Variants in TBC1D15 observed in about 807,000 individuals in gnomAD.
TBC1D15 encodes the protein GAP for RAB7.
In TBC1D15, 39 loss-of-function variants were observed where a neutral mutation model predicts 95.4. That is an observed-to-expected ratio of 0.41 (90% CI 0.32 to 0.53). The LOEUF (loss-of-function observed/expected upper bound fraction) is 0.53. Ranked by LOEUF, TBC1D15 falls within the 20% of genes least tolerant of loss-of-function variation. The probability of loss-of-function intolerance (pLI) is 0.29; values close to 1 mark genes in which losing one functional copy is unlikely to be tolerated. For synonymous variants in TBC1D15, 258 were observed against 261.3 expected (o/e 0.99, Z 0.12); for missense variants, 733 against 794.3 (o/e 0.92, Z 0.93).
intron 1 of TBC1D15, among the ~76,000 whole-genome samples, chr12:71,846,145 T>C (rs1232979563): frequency 6.6e-6 from 1 of 152,234 alleles, no homozygotes; most frequent in East Asian, 1.9e-4. Context: ...AAATGTTTGC[T>C]GTGGTCACCA....
chr12:71,892,336 G>T (rs7309856), intron 5 of TBC1D15, among the ~76,000 whole-genome samples: 1 of 151,598 alleles, frequency 6.6e-6, no homozygotes, highest in Non-Finnish European at 1.5e-5. Flanking sequence ...AATTGAGAAG[G>T]GATAACTGTT....
At chr12:71,911,809 A>G (rs1490819048) in intron 11 of TBC1D15, among the ~76,000 whole-genome samples, 1 of 151,750 alleles carries the variant, frequency 6.6e-6, no homozygotes, top group Non-Finnish European at 1.5e-5. Flanking sequence ...AATAAAATAG[A>G]TTAAAGGCAA....
intron 10 of TBC1D15, among the ~76,000 whole-genome samples, chr12:71,905,507 G>A (rs1459251515): frequency 6.6e-6 from 1 of 151,982 alleles, no homozygotes; most frequent in African/African-American, 2.4e-5. Flanking sequence ...TGTATTTTTT[G>A]TAGAGACAGG....
At chr12:71,896,259 G>C in intron 8 of TBC1D15, 184 bp downstream of exon 8, 1 of 509,144 alleles carries the variant, frequency 2.0e-6, no homozygotes, top group Non-Finnish European at 3.4e-6. Flanking sequence ...TTCCTGGATT[G>C]AGTAGGACAG....
chr12:71,862,247 A>G (rs569611842), intron 1 of TBC1D15, among the ~76,000 whole-genome samples: 43 of 152,208 alleles, frequency 2.8e-4, no homozygotes, highest in South Asian at 1.9e-3. Context: ...TTTTCTGCCT[A>G]AATGATCTGT....
At chr12:71,877,210 G>T (rs4459347) in intron 3 of TBC1D15, among the ~76,000 whole-genome samples, 32,484 of 132,196 alleles carry the variant, frequency 0.25, 4,778 homozygotes, top group East Asian at 0.56. Context: ...GTGTGTGTGT[G>T]TTTTTTTTTT....
chr12:71,854,515 C>G (rs1888569757), intron 1 of TBC1D15: 1 of 454,030 alleles, frequency 2.2e-6, no homozygotes, highest in Non-Finnish European at 4.4e-6. Context: ...CCATTTCCTT[C>G]TTGTTGGCCT....
At chr12:71,846,679 A>G (rs551131395) in intron 1 of TBC1D15, among the ~76,000 whole-genome samples, 1 of 147,898 alleles carries the variant, frequency 6.8e-6, no homozygotes, top group South Asian at 2.1e-4. Flanking sequence ...GTCCTCATGT[A>G]TGTATGTATT....
At chr12:71,920,585 C>G in intron 14 of TBC1D15, 146 bp from the exon 15 acceptor site, 2 of 684,472 alleles carry the variant, frequency 2.9e-6, no homozygotes, top group South Asian at 1.7e-5. Context: ...TCCTTCCCCT[C>G]ATTTCCTAGC....
intron 10 of TBC1D15, among the ~76,000 whole-genome samples, chr12:71,906,550 G>T (rs1900753289): frequency 6.6e-6 from 1 of 151,570 alleles, no homozygotes; most frequent in Non-Finnish European, 1.5e-5. Flanking sequence ...ACATGACAAA[G>T]AATTTGATTA....
intron 1 of TBC1D15, among the ~76,000 whole-genome samples, chr12:71,864,173 G>A (rs1341443054): frequency 6.6e-6 from 1 of 151,236 alleles, no homozygotes; most frequent in Non-Finnish European, 1.5e-5. Context: ...GGGTTCAAGC[G>A]ATTTTCCTGT....
rs560108452 is a variant in TBC1D15, at chr12:71,907,354, T to A, written c.1300+216T>A. The A allele has an allele frequency of 2.9e-4, 97 of 337,148 alleles. No homozygotes were observed. In the East Asian group the frequency reaches 4.6e-3, roughly 16 times the overall value. 20.9% of individuals were successfully genotyped at this position (337,148 alleles called of 1,614,324 possible). On this transcript the variant is annotated intron_variant, in intron 11 of 16. Transcript: ENST00000485960. ...CAGGAGCACCATGGGATATTTAAAA[T>A]TTTTAAGGGAATTATAAAGACATCT...
intron 3 of TBC1D15, among the ~76,000 whole-genome samples, chr12:71,878,611 G>C (rs1377190774): frequency 6.6e-6 from 1 of 151,692 alleles, no homozygotes; most frequent in African/African-American, 2.4e-5. Context: ...CGCCTCCCGA[G>C]TTCAAGCGAT....
intron 1 of TBC1D15, among the ~76,000 whole-genome samples, chr12:71,856,007 T>G (rs1294036400): frequency 6.6e-6 from 1 of 152,124 alleles, no homozygotes; most frequent in Non-Finnish European, 1.5e-5. Context: ...TATTTCTTGA[T>G]TTTAAAAGAT....
chr12:71,852,514 A>G (rs919892456), intron 1 of TBC1D15, among the ~76,000 whole-genome samples: 2 of 152,236 alleles, frequency 1.3e-5, no homozygotes, highest in East Asian at 1.9e-4. Context: ...CAAATTTTCT[A>G]AACTTTTATG....
Position 71,880,488 on chromosome 12 carries a change from A to C in TBC1D15, c.224A>C (p.Glu75Ala), listed in dbSNP as rs148819869. Residue 75 changes from glutamate to alanine, a missense_variant, in exon 4 of 17, where the codon GAA (glutamate) becomes GCA (alanine). By Grantham distance (107) the Glu-to-Ala change is moderately radical. Transcript: ENST00000485960. ...TTTTAGGACTCCAGTTCAGTTGTAG[A>C]ATGGACTCAGGCCCCAAAAGAAAGA... The part of the protein sequence containing the change: ...YARKDSSSVV[E>A]WTQAPKERGH... The C allele has an allele frequency of 6.2e-6, 10 of 1,601,770 alleles. No individual in the cohort carries two copies. In the African/African-American group the frequency reaches 9.4e-5, roughly 15 times the overall value.
chr12:71,856,402 A>T (rs568236390), intron 1 of TBC1D15, among the ~76,000 whole-genome samples: 1 of 152,086 alleles, frequency 6.6e-6, no homozygotes, highest in Non-Finnish European at 1.5e-5. Context: ...TTTTAGATGC[A>T]TGGTGCTGAT....
At chr12:71,861,000 T>C (rs1019077191) in intron 1 of TBC1D15, among the ~76,000 whole-genome samples, 10 of 152,232 alleles carry the variant, frequency 6.6e-5, no homozygotes, top group Admixed American at 3.9e-4. Flanking sequence ...TGATGTGATA[T>C]ATCACATTTA....
In TBC1D15 at chr12:71,877,496, T is replaced by TTTTCTTCC. The variant is rs1397462755; in HGVS notation, c.205-2971_205-2970insTCTTCCTT. 1.8e-4 allele frequency among the ~76,000 whole-genome samples: 16 copies of TTTTCTTCC among 89,714 alleles called. 1 individual carries two copies. The highest frequency in any genetic ancestry group is 2.7e-4 in the African/African-American group (6 of 22,166). 58.9% of individuals were successfully genotyped at this position (89,714 alleles called of 152,430 possible). On this transcript the variant is annotated intron_variant, in intron 3 of 16. Coordinates refer to ENST00000485960, the MANE Select transcript of TBC1D15 (RefSeq NM_001146213.3). Reference sequence around the variant, plus strand: ...ATTTTAAAATCTTTTCTTTCCTGTTTTTCCTTCCTTCCTTCCTTCCTTCCT... The same window carrying TTTTCTTCC: ...ATTTTAAAATCTTTTCTTTCCTGTTTTTTCTTCCTTCCTTCCTTCCTTCCTTCCTTCCT...
Sources: gnomAD v4.1 joint callset for allele counts (sites outside exome capture counted in the v4.1 genomes callset) on GRCh38, gnomAD v4.1.1 for gene constraint, MANE v1.5 for transcripts, NCBI Gene and HGNC (gene_info 2026-07-23, HGNC 2026-07-21) for gene names.